Variants in TRIM2 observed in about 807,000 individuals in gnomAD.
TRIM2 encodes the protein tripartite motif containing 2.
TRIM2 carries 20 observed loss-of-function variants against 75.2 expected under a neutral mutation model. That is an observed-to-expected ratio of 0.27 (90% CI 0.19 to 0.39). TRIM2 has a LOEUF of 0.39. Ranked by LOEUF, TRIM2 falls within the 10% of genes least tolerant of loss-of-function variation. The probability of loss-of-function intolerance (pLI) is 1.00; values close to 1 mark genes in which losing one functional copy is unlikely to be tolerated. For missense variants in TRIM2, 660 were observed against 990.8 expected, an observed-to-expected ratio of 0.67 and a Z score of 4.48; for synonymous variants, 373 against 388.3, an observed-to-expected ratio of 0.96 and a Z score of 0.46.
At chr4:153,264,092 T>C (rs1359673787) in intron 1 of TRIM2, among the ~76,000 whole-genome samples, 1 of 152,146 alleles carries the variant, frequency 6.6e-6, no homozygotes, top group African/African-American at 2.4e-5. Flanking sequence ...GGTGGCAATA[T>C]GCAATTTTGA....
intron 1 of TRIM2, among the ~76,000 whole-genome samples, chr4:153,206,293 C>T (rs570188113): frequency 8.5e-4 from 130 of 152,302 alleles, no homozygotes; most frequent in Non-Finnish European, 1.4e-3. Context: ...GAAGTTCTCA[C>T]GATCCTTCCT....
intron 1 of TRIM2, among the ~76,000 whole-genome samples, chr4:153,172,444 C>T (rs1730987518): frequency 6.6e-6 from 1 of 152,164 alleles, no homozygotes; most frequent in South Asian, 2.1e-4. Flanking sequence ...GCCTTGGCCT[C>T]CCAAAGTGCT....
intron 1 of TRIM2, among the ~76,000 whole-genome samples, chr4:153,194,092 G>A (rs887388906): frequency 4.6e-5 from 7 of 152,122 alleles, no homozygotes; most frequent in Non-Finnish European, 7.3e-5. Context: ...AGTGGCTTAC[G>A]CAAAACAAGG....
chr4:153,219,256 A>G (rs1034119404), intron 1 of TRIM2, among the ~76,000 whole-genome samples: 1 of 152,144 alleles, frequency 6.6e-6, no homozygotes, highest in Non-Finnish European at 1.5e-5. Flanking sequence ...AGCAGACCCA[A>G]CTGTTGAGGA....
At chr4:153,292,945 G>A (rs764763073) in intron 3 of TRIM2, 37 bp from the exon 4 acceptor site, 8 of 1,551,174 alleles carry the variant, frequency 5.2e-6, no homozygotes, top group Non-Finnish European at 7.0e-6. Flanking sequence ...CTCAACCCAT[G>A]GCCCAGAACC....
At chr4:153,324,365 G>T in intron 10 of TRIM2, 1 of 357,314 alleles carries the variant, frequency 2.8e-6, no homozygotes, top group Admixed American at 5.1e-5. Flanking sequence ...TGCTTAATTT[G>T]AAACTGGTGC....
chr4:153,204,404 C>G (rs1734817476), upstream of TRIM2: 1 of 1,075,522 alleles, frequency 9.3e-7, no homozygotes, highest in Non-Finnish European at 1.4e-6. Flanking sequence ...CTTGTGCTGA[C>G]TAGCTGTTTA....
intron 3 of TRIM2, among the ~76,000 whole-genome samples, chr4:153,279,827 C>T (rs1252007214): frequency 1.3e-5 from 2 of 151,794 alleles, no homozygotes; most frequent in African/African-American, 4.8e-5. Context: ...ACTGTAGTCG[C>T]AGCTACTCAG....
At position 153,338,158 on chromosome 4, in the gene TRIM2, G is replaced by A. The variant is rs1772668712; in HGVS notation, c.*3192G>A. The A allele has an allele frequency of 1.0e-6, 1 of 985,842 alleles. No individual in the cohort carries two copies. The highest frequency in any genetic ancestry group is 1.1e-4 in the East Asian group (1 of 8,814). 61.1% of individuals were successfully genotyped at this position (985,842 alleles called of 1,614,324 possible). A position where few individuals can be genotyped will look rare whatever the true frequency, so the allele number is the denominator to read the frequency against. ...TTCCACTACTAAATATACAGGGTAT[G>A]TCCTAACATGGAGTTAACTGGAATA... is the stretch of plus-strand genomic sequence containing the variant. On this transcript the variant is annotated 3_prime_UTR_variant, in exon 12 of 12. Transcript: ENST00000338700.
chr4:153,244,162 C>G lies in TRIM2; in HGVS notation c.31-26173C>G, dbSNP rs550471080. The stretch of plus-strand genomic sequence containing the variant: ...TCTTCTTGTTCTTCTTGTTCTTCTT[C>G]TTCTTCTTCTTCTTCTTCTCCTCCT... On this transcript the variant is annotated intron_variant, in intron 1 of 11. Transcript: ENST00000338700. Among the ~76,000 whole-genome samples, 360 of 143,358 alleles carry G rather than the reference C, an allele frequency of 2.5e-3. 26 individuals are homozygous for G. Among genetic ancestry groups the G allele is most frequent in the African/African-American group, 8.8e-3 (316 of 35,784 alleles). The allele number at this position is 143,358 out of a possible 152,430, so 94.0% of individuals were successfully genotyped here. A position where few individuals can be genotyped will look rare whatever the true frequency, so the allele number is the denominator to read the frequency against.
At chr4:153,210,838 C>T (rs1465537212) in intron 1 of TRIM2, among the ~76,000 whole-genome samples, 1 of 152,170 alleles carries the variant, frequency 6.6e-6, no homozygotes, top group Non-Finnish European at 1.5e-5. Flanking sequence ...CCCCATAAGG[C>T]AGCAGTGACC....
chr4:153,208,286 T>C (rs1736020800), intron 1 of TRIM2, among the ~76,000 whole-genome samples: 1 of 152,062 alleles, frequency 6.6e-6, no homozygotes, highest in Non-Finnish European at 1.5e-5. Context: ...CAAGACCTTG[T>C]CTCAAAAGGA....
At chr4:153,250,998 G>C (rs1750731443) in intron 1 of TRIM2, among the ~76,000 whole-genome samples, 1 of 152,218 alleles carries the variant, frequency 6.6e-6, no homozygotes, top group Non-Finnish European at 1.5e-5. Context: ...CTGAAGGCCA[G>C]GCCACTTCTG....
chr4:153,188,544 T>C (rs1732855672), intron 1 of TRIM2, among the ~76,000 whole-genome samples: 1 of 152,180 alleles, frequency 6.6e-6, no homozygotes, highest in African/African-American at 2.4e-5. Context: ...TTCCCTGGGG[T>C]TCCCTGAGGG....
intron 1 of TRIM2, among the ~76,000 whole-genome samples, chr4:153,218,876 G>C (rs920594850): frequency 1.3e-5 from 2 of 151,436 alleles, no homozygotes; most frequent in Non-Finnish European, 3.0e-5. Context: ...ACTACTCAAA[G>C]AAGAAAAAAA....
intron 1 of TRIM2, among the ~76,000 whole-genome samples, chr4:153,192,037 C>A (rs1390118286): frequency 1.3e-5 from 2 of 152,144 alleles, no homozygotes; most frequent in Admixed American, 1.3e-4. Flanking sequence ...ATCTCCTCTG[C>A]CATCTCCACG....
chr4:153,255,221 A>G (rs1356049650), intron 1 of TRIM2, among the ~76,000 whole-genome samples: 1 of 152,188 alleles, frequency 6.6e-6, no homozygotes, highest in East Asian at 1.9e-4. Flanking sequence ...CAGTGCTTGG[A>G]ACACATGACA....
chr4:153,245,606 G>C (rs1036647451), intron 1 of TRIM2, among the ~76,000 whole-genome samples: 7 of 152,228 alleles, frequency 4.6e-5, no homozygotes, highest in Middle Eastern at 3.2e-3. Flanking sequence ...TCAAGTTTCA[G>C]TGTTTATAAA....
At chr4:153,259,215 A>G (rs1752804828) in intron 1 of TRIM2, among the ~76,000 whole-genome samples, 1 of 152,230 alleles carries the variant, frequency 6.6e-6, no homozygotes, top group Non-Finnish European at 1.5e-5. Flanking sequence ...TTCCATAGGT[A>G]ATACTATAGT....
Sources: allele counts gnomAD v4.1 joint callset (sites outside exome capture counted in the v4.1 genomes callset), GRCh38; gene constraint gnomAD v4.1.1; transcripts MANE v1.5; gene names NCBI Gene and HGNC (gene_info 2026-07-23, HGNC 2026-07-21).